The following PABIR3 variants were observed in gnomAD, a reference collection of about 807,000 sequenced individuals.
PABIR3 encodes the protein PABIR family member 1.
Under a neutral mutation model 23.1 loss-of-function variants are expected in PABIR3, and 20 were observed. That is an observed-to-expected ratio of 0.86 (90% CI 0.61 to 1.26). The LOEUF is 1.26. Ranked by LOEUF, PABIR3 falls within the 50% of genes most tolerant of loss-of-function variation. PABIR3 has a pLI of 0.00. For synonymous variants in PABIR3, 69 were observed against 68.5 expected (o/e 1.01, Z -0.04); for missense variants, 189 against 195.4 (o/e 0.97, Z 0.20).
chrX:134,860,133 C>T, the PABIR3 span, among the ~76,000 whole-genome samples: 1 of 110,329 alleles, frequency 9.1e-6, no homozygotes, highest in African/African-American at 3.3e-5. Flanking sequence ...AGCTGTGTCA[C>T]CCAGGCTGGA....
chrX:134,835,175 C>T (rs747677086), intron 4 of PABIR3: 2 of 110,361 alleles, frequency 1.8e-5, no homozygotes, highest in East Asian at 2.8e-4. Flanking sequence ...ATTCTGTAAC[C>T]TCAGCCTCCC....
downstream of PABIR3, among the ~76,000 whole-genome samples, chrX:134,856,191 T>TA (rs1190460319): frequency 5.6e-5 from 6 of 107,234 alleles, no homozygotes; most frequent in African/African-American, 1.3e-4. Flanking sequence ...TTCAGTTATT[T>TA]TTTTTTTTTT....
chrX:134,810,208 C>A, intron 2 of PABIR3: 1 of 754,375 alleles, frequency 1.3e-6, no homozygotes, highest in Non-Finnish European at 1.6e-6. Context: ...AGGAGTGGAC[C>A]CTTCCCTAAT....
chrX:134,864,272 G>A, the PABIR3 span, among the ~76,000 whole-genome samples: 101 of 110,853 alleles, frequency 9.1e-4, no homozygotes, highest in Non-Finnish European at 1.8e-3. Flanking sequence ...TGATCCTCCT[G>A]CCTTACCCTC....
intron 10 of PABIR3, among the ~76,000 whole-genome samples, chrX:134,853,161 C>A (rs1240173907): frequency 2.7e-5 from 3 of 111,285 alleles, no homozygotes. Flanking sequence ...ACCTCCCAGG[C>A]TCAAGCAGTC....
the PABIR3 span, among the ~76,000 whole-genome samples, chrX:134,862,467 A>C: frequency 9.0e-6 from 1 of 111,646 alleles, no homozygotes; most frequent in African/African-American, 3.2e-5. Flanking sequence ...TGTTTTTAAG[A>C]AGTGTATGTG....
chrX:134,824,419 T>C (rs966559611), intron 3 of PABIR3, among the ~76,000 whole-genome samples: 9 of 112,394 alleles, frequency 8.0e-5, no homozygotes, highest in Non-Finnish European at 1.7e-4. Context: ...AATTTTAACA[T>C]GGAAAGACTC....
At chrX:134,847,305 C>G in intron 6 of PABIR3, 78 bp from the exon 7 acceptor site, 1 of 742,223 alleles carries the variant, frequency 1.3e-6, no homozygotes. Context: ...GACTCACTTC[C>G]CTGTGCAACA....
intron 1 of PABIR3, chrX:134,799,925 AC>A (rs2080016086): frequency 9.1e-6 from 1 of 109,397 alleles, no homozygotes; most frequent in Admixed American, 9.7e-5. Flanking sequence ...CTGAGATCAC[AC>A]CACTGCACTC....
chrX:134,854,317 T>C lies in PABIR3; in HGVS notation c.*100T>C. On this transcript the variant is annotated 3_prime_UTR_variant, in exon 11 of 11. Coordinates refer to ENST00000645433, the MANE Select transcript of PABIR3 (RefSeq NM_001388447.1). Reference sequence around the variant, plus strand: ...AACCAAGTCAGAGCAATGAGAATTGTACTGTATAATTTAAACTATCTCCTA... The same window carrying C: ...AACCAAGTCAGAGCAATGAGAATTGCACTGTATAATTTAAACTATCTCCTA... 1.1e-6 allele frequency: 1 copy of C among 913,799 alleles called. No homozygotes were observed. Among genetic ancestry groups the C allele is most frequent in the Non-Finnish European group, 1.4e-6 (1 of 692,920 alleles). The allele number at this position is 913,799 out of a possible 1,213,427, so 75.3% of individuals were successfully genotyped here.
upstream of PABIR3, among the ~76,000 whole-genome samples, chrX:134,805,623 C>T (rs1359579480): frequency 1.8e-5 from 2 of 111,956 alleles, no homozygotes; most frequent in African/African-American, 6.5e-5. Context: ...GTAGGCCAGG[C>T]GTGGAGGCTC....
At position 134,854,257 on chromosome X, in the gene PABIR3, C is replaced by T. The variant is rs1235953384; in HGVS notation, c.*40C>T. 1 of 1,177,833 alleles carries T rather than the reference C, an allele frequency of 8.5e-7. No homozygotes were observed. On this transcript the variant is annotated 3_prime_UTR_variant, in exon 11 of 11. Transcript: ENST00000645433. ...ACTAAATGATTCACCCATCCCAAGA[C>T]TTTCTCACCAGTGGAGAAACACACA...
intron 3 of PABIR3, chrX:134,822,721 A>G (rs759968389): frequency 6.5e-6 from 4 of 616,332 alleles, no homozygotes; most frequent in Non-Finnish European, 7.8e-6. Flanking sequence ...GAGCTAAATG[A>G]TAAGAACTTA....
At chrX:134,822,752 A>G (rs2081344309) in intron 3 of PABIR3, 1 of 467,074 alleles carries the variant, frequency 2.1e-6, no homozygotes, top group Non-Finnish European at 2.6e-6. Context: ...GAAACAACAG[A>G]CACTAGGGTC....
chrX:134,820,164 G>A (rs368984077), intron 3 of PABIR3, among the ~76,000 whole-genome samples: 11 of 111,222 alleles, frequency 9.9e-5, no homozygotes, highest in East Asian at 5.6e-4. Context: ...TAAAGATGTC[G>A]AGAAGGATAT....
chrX:134,855,903 C>T (rs1017496140), downstream of PABIR3, among the ~76,000 whole-genome samples: 1 of 111,460 alleles, frequency 9.0e-6, no homozygotes, highest in Non-Finnish European at 1.9e-5. Flanking sequence ...TTTAGTGGAC[C>T]AGTTGTGAGA....
At chrX:134,840,677 C>A (rs188117855) in intron 4 of PABIR3, among the ~76,000 whole-genome samples, 1 of 111,024 alleles carries the variant, frequency 9.0e-6, no homozygotes, top group East Asian at 2.8e-4. Flanking sequence ...GGGGTCCTGA[C>A]AATGACGTGA....
At chrX:134,850,582 T>C (rs1044081932) in intron 9 of PABIR3, among the ~76,000 whole-genome samples, 8 of 112,241 alleles carry the variant, frequency 7.1e-5, no homozygotes, top group Non-Finnish European at 1.1e-4. Flanking sequence ...CAATTGAGTA[T>C]TTAAAATAAA....
intron 1 of PABIR3, among the ~76,000 whole-genome samples, chrX:134,797,648 C>T (rs578154485): frequency 9.0e-6 from 1 of 110,576 alleles, no homozygotes; most frequent in Admixed American, 9.6e-5. Flanking sequence ...CATGACAGTT[C>T]GTATAGCTAA....
Sources: gnomAD v4.1 joint callset for allele counts (sites outside exome capture counted in the v4.1 genomes callset) on GRCh38, gnomAD v4.1.1 for gene constraint, MANE v1.5 for transcripts, NCBI Gene and HGNC (gene_info 2026-07-23, HGNC 2026-07-21) for gene names.